NRG2: variants seen among roughly 807,000 people sequenced by gnomAD.
The protein encoded by NRG2 is pro-neuregulin-2, membrane-bound isoform.
A neutral mutation model predicts 73.9 loss-of-function variants in NRG2; 27 were observed. That is an observed-to-expected ratio of 0.37 (90% CI 0.27 to 0.50). The LOEUF (loss-of-function observed/expected upper bound fraction) is 0.50. Among genes scored for constraint, NRG2 ranks in the 20% least tolerant of loss-of-function variants. The pLI is 0.96. For synonymous variants in NRG2, 532 were observed against 541.0 expected (o/e 0.98, Z 0.23); for missense variants, 1,126 against 1,210.1 (o/e 0.93, Z 1.03).
At chr5:139,872,857 C>T (rs954630749) in intron 3 of NRG2, among the ~76,000 whole-genome samples, 32 of 152,220 alleles carry the variant, frequency 2.1e-4, no homozygotes, top group Admixed American at 1.8e-3. Flanking sequence ...CCATCCAATC[C>T]GGACTGGACA....
intron 1 of NRG2, among the ~76,000 whole-genome samples, chr5:140,026,660 C>T (rs1264224770): frequency 6.6e-6 from 1 of 151,932 alleles, no homozygotes; most frequent in African/African-American, 2.4e-5. Flanking sequence ...ATAAAAGTTC[C>T]AACTAGAGCA....
intron 5 of NRG2, among the ~76,000 whole-genome samples, chr5:139,864,438 G>C (rs1482366885): frequency 7.1e-6 from 1 of 140,512 alleles, no homozygotes; most frequent in African/African-American, 2.7e-5. Flanking sequence ...AACCTCATAA[G>C]TTGAAGAAAG....
chr5:140,038,373 A>G (rs1761666152), intron 1 of NRG2, among the ~76,000 whole-genome samples: 1 of 152,176 alleles, frequency 6.6e-6, no homozygotes, highest in South Asian at 2.1e-4. Context: ...AAAAAAAAAT[A>G]AGAGGGTCTT....
chr5:140,022,790 T>C (rs1760344672), intron 1 of NRG2, among the ~76,000 whole-genome samples: 1 of 152,248 alleles, frequency 6.6e-6, no homozygotes, highest in Non-Finnish European at 1.5e-5. Context: ...AAGTGTCACA[T>C]AAGTATTTGT....
chr5:140,042,776 G>C lies in NRG2; in HGVS notation c.294C>G (p.Ala98=). 1.3e-6 allele frequency: 2 copies of C among 1,536,782 alleles called. No individual in the cohort carries two copies. Among genetic ancestry groups the C allele is most frequent in the Non-Finnish European group, 1.8e-6 (2 of 1,142,800 alleles). ...AAAGGMRRDP[A]PGFSMLLFGV... ...CGAAGAGCAGCATGGAGAAGCCGGGGGCCGGGTCGCGCCTCATGCCGCCGG... is the reference window on the plus strand; with the variant it reads ...CGAAGAGCAGCATGGAGAAGCCGGGCGCCGGGTCGCGCCTCATGCCGCCGG... Residue 98 remains alanine (A), a synonymous_variant, in exon 1 of 10, where the codon GCC becomes GCG. Coordinates refer to ENST00000361474, the MANE Select transcript of NRG2 (RefSeq NM_004883.3).
At chr5:139,878,793 A>C (rs895696439) in intron 3 of NRG2, among the ~76,000 whole-genome samples, 2 of 152,176 alleles carry the variant, frequency 1.3e-5, no homozygotes, top group African/African-American at 4.8e-5. Context: ...CACCTTCCCA[A>C]ACTTGGGATA....
At chr5:139,965,203 C>T (rs912017118) in intron 1 of NRG2, among the ~76,000 whole-genome samples, 2 of 152,216 alleles carry the variant, frequency 1.3e-5, no homozygotes, top group East Asian at 3.8e-4. Flanking sequence ...CTTCTAAGAG[C>T]CTGCGTGAAT....
chr5:139,989,971 G>T (rs1414585106), intron 1 of NRG2, among the ~76,000 whole-genome samples: 1 of 151,110 alleles, frequency 6.6e-6, no homozygotes, highest in Non-Finnish European at 1.5e-5. Flanking sequence ...TGTATTTTTA[G>T]TAGAGACGGG....
chr5:139,927,960 C>T (rs1752188327), intron 1 of NRG2, among the ~76,000 whole-genome samples: 1 of 151,960 alleles, frequency 6.6e-6, no homozygotes, highest in Non-Finnish European at 1.5e-5. Context: ...GTGGTCTTTA[C>T]AGAGATGGGT....
intron 2 of NRG2, among the ~76,000 whole-genome samples, chr5:139,882,024 A>G (rs1397020383): frequency 4.6e-5 from 7 of 152,194 alleles, no homozygotes; most frequent in Non-Finnish European, 5.9e-5. Flanking sequence ...GCTGGCCCCC[A>G]GGAGGAAGCA....
chr5:139,897,528 T>C (rs1368951117), intron 1 of NRG2, among the ~76,000 whole-genome samples: 2 of 152,184 alleles, frequency 1.3e-5, no homozygotes, highest in Admixed American at 6.5e-5. Flanking sequence ...GGTTCTTATC[T>C]TTCTAGACTG....
At chr5:139,924,983 C>A (rs2126339233) in intron 1 of NRG2, among the ~76,000 whole-genome samples, 1 of 152,178 alleles carries the variant, frequency 6.6e-6, no homozygotes, top group Admixed American at 6.5e-5. Context: ...CTGCCAAGGG[C>A]CGGCCCGAGT....
At position 139,904,370 on chromosome 5, in the gene NRG2, C is replaced by T; in HGVS notation, c.701-16859G>A. On this transcript the variant is annotated intron_variant, in intron 1 of 9. Transcript: ENST00000361474. This position sits in a 1 kb window ranked among gnomAD's most constrained non-coding sequence, Gnocchi z 6.0. ...CCCTCTGGGTGCTTCTTGCCGCGGCCGCGGCCCCTCCTCCTGGACTCCGAC... is the reference window on the plus strand; with the variant it reads ...CCCTCTGGGTGCTTCTTGCCGCGGCTGCGGCCCCTCCTCCTGGACTCCGAC... The T allele has an allele frequency of 6.3e-7, 1 of 1,586,022 alleles. No individual in the cohort carries two copies. Among genetic ancestry groups the T allele is most frequent in the Non-Finnish European group, 8.5e-7 (1 of 1,174,398 alleles).
chr5:139,957,635 A>C (rs891713505), intron 1 of NRG2, among the ~76,000 whole-genome samples: 2 of 152,160 alleles, frequency 1.3e-5, no homozygotes, highest in African/African-American at 4.8e-5. Flanking sequence ...TATGCAGAGT[A>C]GGGGGAGCCT....
chr5:140,034,270 G>GT (rs2126698331), intron 1 of NRG2, among the ~76,000 whole-genome samples: 1 of 152,012 alleles, frequency 6.6e-6, no homozygotes, highest in African/African-American at 2.4e-5. Flanking sequence ...ACAAAAGATG[G>GT]TTTCTAAACC....
At chr5:140,025,644 T>A (rs1468050850) in intron 1 of NRG2, among the ~76,000 whole-genome samples, 1 of 152,228 alleles carries the variant, frequency 6.6e-6, no homozygotes, top group Admixed American at 6.5e-5. Flanking sequence ...CTCAATTTAC[T>A]GCCTTCATAT....
chr5:139,970,069 G>C (rs939514703), intron 1 of NRG2, among the ~76,000 whole-genome samples: 1 of 152,114 alleles, frequency 6.6e-6, no homozygotes, highest in Admixed American at 6.5e-5. Flanking sequence ...TCCCTAAAGG[G>C]CTATACAGAA....
chr5:140,042,724 T>G lies in NRG2; in HGVS notation c.346A>C (p.Ser116Arg). 1 of 1,568,774 alleles carries G rather than the reference T, an allele frequency of 6.4e-7. No homozygotes were observed. Among genetic ancestry groups the G allele is most frequent in the Non-Finnish European group, 8.6e-7 (1 of 1,157,716 alleles). ...FGVSLACYSP[S>R]LKSVQDQAYK... ...GCCTGGTCCTGCACTGACTTGAGGCTGGGCGAGTAGCAGGCGAGCGACACA... is the reference window on the plus strand; with the variant it reads ...GCCTGGTCCTGCACTGACTTGAGGCGGGGCGAGTAGCAGGCGAGCGACACA... The change falls in exon 1 of 10, where the codon AGC (serine) becomes CGC (arginine). Residue 116 changes from serine to arginine, a missense_variant. By Grantham distance (110) the Ser-to-Arg change is moderately radical (BLOSUM62 -1). Transcript: ENST00000361474.
chr5:139,997,212 A>T (rs1430473727), intron 1 of NRG2, among the ~76,000 whole-genome samples: 1 of 151,856 alleles, frequency 6.6e-6, no homozygotes, highest in Non-Finnish European at 1.5e-5. Context: ...ATGGAGGAGA[A>T]CTCCTCCAAT....
Sources: allele counts gnomAD v4.1 joint callset (sites outside exome capture counted in the v4.1 genomes callset), GRCh38; gene constraint gnomAD v4.1.1; non-coding constraint Gnocchi (gnomAD v3.1); transcripts MANE v1.5; gene names NCBI Gene and HGNC (gene_info 2026-07-23, HGNC 2026-07-21).